The following PPP1R1C variants were observed in gnomAD, a reference collection of about 807,000 sequenced individuals.
PPP1R1C encodes the protein protein phosphatase 1 regulatory subunit 1C.
A neutral mutation model predicts 17.4 loss-of-function variants in PPP1R1C; 15 were observed. The ratio of observed to expected loss-of-function variants is 0.86; its 90% CI spans 0.58 to 1.33. The LOEUF is 1.33. PPP1R1C is among the 40% of genes most tolerant of loss of function. The pLI is 0.00. For synonymous variants in PPP1R1C, 35 were observed against 43.1 expected (o/e 0.81, Z 0.73); for missense variants, 143 against 130.0 (o/e 1.10, Z -0.48).
chr2:181,975,100 A>G (rs1290096450), intron 1 of PPP1R1C: 1 of 151,964 alleles, frequency 6.6e-6, no homozygotes, highest in Non-Finnish European at 1.5e-5. Context: ...AAATTATAAT[A>G]TAAAATTTTG....
chr2:182,061,970 G>C (rs1475976862), intron 3 of PPP1R1C, among the ~76,000 whole-genome samples: 2 of 152,086 alleles, frequency 1.3e-5, no homozygotes, highest in East Asian at 3.9e-4. Context: ...TCAGCAGGCT[G>C]TCTGAACACT....
intron 2 of PPP1R1C, among the ~76,000 whole-genome samples, chr2:182,029,100 G>A (rs894650263): frequency 3.6e-5 from 5 of 140,586 alleles, no homozygotes; most frequent in African/African-American, 2.7e-5. Context: ...TTGAGCCTAT[G>A]TGTGTCTCGG....
intron 2 of PPP1R1C, among the ~76,000 whole-genome samples, chr2:182,039,520 G>T (rs1197981580): frequency 6.6e-6 from 1 of 152,124 alleles, no homozygotes; most frequent in African/African-American, 2.4e-5. Flanking sequence ...AAGTAGCTGG[G>T]ACTCTAGGCG....
intron 4 of PPP1R1C, among the ~76,000 whole-genome samples, chr2:182,079,859 A>T (rs1374657737): frequency 1.3e-5 from 2 of 148,250 alleles, no homozygotes; most frequent in African/African-American, 2.5e-5. Context: ...TTTCTGTCTC[A>T]CTCTTCCCGT....
At position 182,111,446 on chromosome 2, in the gene PPP1R1C, A is replaced by G. The variant is rs186670959; in HGVS notation, c.242-5761A>G. Among the ~76,000 whole-genome samples the G allele has an allele frequency of 8.5e-3, 1,299 of 152,262 alleles. 8 individuals are homozygous for G. Among genetic ancestry groups the G allele is most frequent in the Non-Finnish European group, 0.014 (952 of 68,006 alleles). On this transcript the variant is annotated intron_variant, in intron 4 of 4. Transcript: ENST00000682840. ...TAACTGTGCTGTCTACATATAATTTACGTCAAATAAAATAGAAAGGGATAC... is the reference window on the plus strand; with the variant it reads ...TAACTGTGCTGTCTACATATAATTTGCGTCAAATAAAATAGAAAGGGATAC...
downstream of PPP1R1C, among the ~76,000 whole-genome samples, chr2:182,119,134 T>C (rs1263269636): frequency 6.6e-6 from 1 of 150,720 alleles, no homozygotes; most frequent in African/African-American, 2.4e-5. Context: ...AATTCCCACC[T>C]ATGAGTGGGA....
intron 1 of PPP1R1C, among the ~76,000 whole-genome samples, chr2:181,969,050 T>C (rs964090100): frequency 6.6e-6 from 1 of 152,180 alleles, no homozygotes; most frequent in African/African-American, 2.4e-5. Flanking sequence ...TGTGTCTTAT[T>C]GTACTTCTTA....
At chr2:182,103,120 CA>C (rs1419925841) in intron 4 of PPP1R1C, among the ~76,000 whole-genome samples, 1 of 152,048 alleles carries the variant, frequency 6.6e-6, no homozygotes, top group Non-Finnish European at 1.5e-5. Context: ...GATCTTAAAG[CA>C]ATTCATTTAT....
chr2:182,057,173 G>A (rs1687708785), intron 2 of PPP1R1C, among the ~76,000 whole-genome samples: 1 of 152,154 alleles, frequency 6.6e-6, no homozygotes, highest in South Asian at 2.1e-4. Flanking sequence ...CTATGCTATT[G>A]TGCTCAGAGA....
At chr2:182,090,525 G>A (rs1023638027) in intron 4 of PPP1R1C, among the ~76,000 whole-genome samples, 5 of 152,074 alleles carry the variant, frequency 3.3e-5, no homozygotes, top group African/African-American at 1.2e-4. Context: ...GCTACAACTT[G>A]CTGAACAGAG....
chr2:182,021,369 C>T (rs1304962716), intron 2 of PPP1R1C, among the ~76,000 whole-genome samples: 3 of 135,694 alleles, frequency 2.2e-5, no homozygotes, highest in African/African-American at 5.6e-5. Context: ...CGCTCTGTCA[C>T]CAGGCTGGAG....
chr2:181,959,131 A>G (rs1289804105), intron 1 of PPP1R1C, among the ~76,000 whole-genome samples: 2 of 152,242 alleles, frequency 1.3e-5, no homozygotes, highest in Non-Finnish European at 2.9e-5. Flanking sequence ...TACATTCTCT[A>G]CAATACTTGG....
At chr2:182,062,783 G>C (rs1001739002) in intron 3 of PPP1R1C, among the ~76,000 whole-genome samples, 2 of 152,052 alleles carry the variant, frequency 1.3e-5, no homozygotes, top group African/African-American at 4.8e-5. Context: ...TTTAAACTTT[G>C]TACATTATGT....
upstream of PPP1R1C, chr2:181,954,491 T>G (rs1420607155): frequency 6.6e-6 from 1 of 152,198 alleles, no homozygotes; most frequent in Non-Finnish European, 1.5e-5. Flanking sequence ...CTTTATACTT[T>G]GAACTGCTAG....
chr2:181,962,662 C>T lies in PPP1R1C; in HGVS notation n.111+8028C>T, dbSNP rs1347851152. On this transcript the variant is annotated intron_variant and non_coding_transcript_variant, in intron 1 of 5. Coordinates refer to the PPP1R1C transcript ENST00000464264. The surrounding 1 kb of genome is among the most constrained non-coding windows in gnomAD (Gnocchi z 6.0). ...TTTATTTGAATAATCTGGGTCCCACCCTCTAGCCTCAATAAGCAGCTGTTG... is the reference window on the plus strand; with the variant it reads ...TTTATTTGAATAATCTGGGTCCCACTCTCTAGCCTCAATAAGCAGCTGTTG... Among the ~76,000 whole-genome samples the T allele has an allele frequency of 1.3e-5, 2 of 152,180 alleles. No homozygotes were observed. Among genetic ancestry groups the T allele is most frequent in the African/African-American group, 4.8e-5 (2 of 41,440 alleles).
At chr2:182,079,230 C>G (rs1014559481) in intron 4 of PPP1R1C, among the ~76,000 whole-genome samples, 3 of 152,162 alleles carry the variant, frequency 2.0e-5, no homozygotes. Context: ...TCTGATAGCT[C>G]TCTATTGCTA....
chr2:182,038,516 A>G, intron 2 of PPP1R1C, among the ~76,000 whole-genome samples: 1 of 152,152 alleles, frequency 6.6e-6, no homozygotes, highest in Non-Finnish European at 1.5e-5. Context: ...CTGAAAAGAT[A>G]TATGTAGGCA....
intron 1 of PPP1R1C, among the ~76,000 whole-genome samples, chr2:181,987,546 G>A (rs557771408): frequency 1.3e-5 from 2 of 152,252 alleles, no homozygotes; most frequent in East Asian, 3.9e-4. Flanking sequence ...GGTCAACCCT[G>A]TACCTTCATT....
chr2:182,052,836 A>T (rs1305977695), intron 2 of PPP1R1C, among the ~76,000 whole-genome samples: 1 of 152,252 alleles, frequency 6.6e-6, no homozygotes. Context: ...ATCATAATTT[A>T]TTGACAGATG....
Sources: gnomAD v4.1 joint callset for allele counts (sites outside exome capture counted in the v4.1 genomes callset) on GRCh38, gnomAD v4.1.1 for gene constraint, Gnocchi (gnomAD v3.1) non-coding constraint, MANE v1.5 for transcripts, NCBI Gene and HGNC (gene_info 2026-07-23, HGNC 2026-07-21) for gene names.